Variants in KCNMB2 observed in about 807,000 individuals in gnomAD.
The protein encoded by KCNMB2 is calcium-activated potassium channel subunit beta-2.
Under a neutral mutation model 24.5 loss-of-function variants are expected in KCNMB2, and 9 were observed. The observed-to-expected ratio is 0.37, with a 90% CI of 0.22 to 0.64. The LOEUF (loss-of-function observed/expected upper bound fraction) is 0.64. KCNMB2 is among the 30% of genes least tolerant of loss of function. The pLI is 0.63. For synonymous variants in KCNMB2, 109 were observed against 104.4 expected, an observed-to-expected ratio of 1.04 and a Z score of -0.27; for missense variants, 226 against 284.3, an observed-to-expected ratio of 0.79 and a Z score of 1.47.
chr3:178,811,940 T>C (rs141576023), intron 2 of KCNMB2, among the ~76,000 whole-genome samples: 1 of 152,348 alleles, frequency 6.6e-6, no homozygotes, highest in East Asian at 1.9e-4. Flanking sequence ...TTAGTCGTTT[T>C]TTCTGAGTTG....
At chr3:178,621,085 G>A (rs1229540240) in intron 1 of KCNMB2, among the ~76,000 whole-genome samples, 1 of 152,148 alleles carries the variant, frequency 6.6e-6, no homozygotes, top group East Asian at 1.9e-4. Context: ...TAATTTGCCG[G>A]GAATATGCAC....
At chr3:178,702,435 A>AAT (rs138867739) in intron 1 of KCNMB2, among the ~76,000 whole-genome samples, 4,745 of 150,738 alleles carry the variant, frequency 0.031, 195 homozygotes, top group East Asian at 0.17. Context: ...AAGTATAATA[A>AAT]ATATATATAT....
At chr3:178,787,357 G>T (rs571195854) in intron 1 of KCNMB2, among the ~76,000 whole-genome samples, 35 of 151,978 alleles carry the variant, frequency 2.3e-4, no homozygotes. Flanking sequence ...ATATATTCAC[G>T]TTACATATAG....
intron 1 of KCNMB2, among the ~76,000 whole-genome samples, chr3:178,681,677 C>T (rs774045424): frequency 6.6e-6 from 1 of 152,154 alleles, no homozygotes; most frequent in Non-Finnish European, 1.5e-5. Context: ...AATACGTAGC[C>T]GGATACTGTC....
intron 1 of KCNMB2, among the ~76,000 whole-genome samples, chr3:178,703,647 G>A (rs1404706091): frequency 1.3e-5 from 2 of 152,254 alleles, no homozygotes; most frequent in South Asian, 2.1e-4. Context: ...CAAAATTATA[G>A]GAAAATATAT....
At chr3:178,828,422 C>A (rs1714921160) in intron 4 of KCNMB2, 49 bp downstream of exon 4, 1 of 1,383,630 alleles carries the variant, frequency 7.2e-7, no homozygotes, top group Non-Finnish European at 1.0e-6. Flanking sequence ...AGCTTCACAC[C>A]AGGCTCTCTG....
chr3:178,825,504 A>G, intron 2 of KCNMB2, 84 bp from the exon 3 acceptor site: 1 of 1,164,118 alleles, frequency 8.6e-7, no homozygotes, highest in Non-Finnish European at 1.2e-6. Flanking sequence ...GGCCCTAGGA[A>G]GGCATGGGCA....
intron 1 of KCNMB2, among the ~76,000 whole-genome samples, chr3:178,656,406 T>C (rs993337861): frequency 1.3e-5 from 2 of 152,206 alleles, no homozygotes; most frequent in African/African-American, 4.8e-5. Context: ...AATGATATTA[T>C]AGCATATGTC....
chr3:178,809,433 T>G lies in KCNMB2; in HGVS notation c.56+1968T>G, dbSNP rs372073924. Among the ~76,000 whole-genome samples the G allele has an allele frequency of 3.3e-4, 51 of 152,344 alleles. 1 individual carries two copies. The South Asian group carries it at 0.01, about 31-fold the overall frequency. On this transcript the variant is annotated intron_variant, in intron 2 of 4. Transcript: ENST00000452583. ...TTTAATTGTGTTCTCTTAAGATAGA[T>G]ATTATTATGCTGGCTTCACAGATGA... is the stretch of plus-strand genomic sequence containing the variant.
intron 1 of KCNMB2, among the ~76,000 whole-genome samples, chr3:178,652,546 A>C (rs1432054735): frequency 6.6e-6 from 1 of 152,026 alleles, no homozygotes; most frequent in East Asian, 1.9e-4. Flanking sequence ...AATATGTTTT[A>C]ATGTTTAAAT....
chr3:178,596,428 G>T (rs1343229893), intron 1 of KCNMB2, among the ~76,000 whole-genome samples: 1 of 152,018 alleles, frequency 6.6e-6, no homozygotes, highest in Non-Finnish European at 1.5e-5. Context: ...TCTTTCCTAT[G>T]ATCACAAAGC....
chr3:178,682,384 T>C lies in KCNMB2; in HGVS notation c.-67-124959T>C, dbSNP rs548284015. Among the ~76,000 whole-genome samples the C allele has an allele frequency of 2.2e-4, 33 of 152,148 alleles. No homozygotes were observed. In the South Asian group the frequency reaches 3.7e-3, roughly 17 times the overall value. On this transcript the variant is annotated intron_variant, in intron 1 of 4. Transcript: ENST00000452583. Reference sequence around the variant, plus strand: ...CTTCTCCTTGCAAATTTTTCTAAGCTGCCACAATCACAAGAACATAATCCT... The same window carrying C: ...CTTCTCCTTGCAAATTTTTCTAAGCCGCCACAATCACAAGAACATAATCCT...
At chr3:178,795,947 G>T (rs1358594357) in intron 1 of KCNMB2, among the ~76,000 whole-genome samples, 3 of 152,124 alleles carry the variant, frequency 2.0e-5, no homozygotes, top group African/African-American at 7.2e-5. Flanking sequence ...TGAGTTATGT[G>T]TATCACTGTC....
intron 2 of KCNMB2, among the ~76,000 whole-genome samples, chr3:178,809,721 T>C (rs1714111767): frequency 6.6e-6 from 1 of 152,248 alleles, no homozygotes; most frequent in Admixed American, 6.5e-5. Flanking sequence ...TGGTAATATT[T>C]GTGGAGTTTG....
chr3:178,590,477 A>G (rs1338325933), intron 1 of KCNMB2, among the ~76,000 whole-genome samples: 1 of 152,218 alleles, frequency 6.6e-6, no homozygotes, highest in Non-Finnish European at 1.5e-5. Flanking sequence ...AACATATAAC[A>G]TAATTGCATT....
intron 1 of KCNMB2, among the ~76,000 whole-genome samples, chr3:178,608,406 G>A (rs35458127): frequency 0.17 from 26,293 of 151,852 alleles, 2,796 homozygotes; most frequent in Admixed American, 0.26. Context: ...ATTTTTGTGG[G>A]TACATAGTAG....
At chr3:178,728,649 C>G (rs1723044173) in intron 1 of KCNMB2, among the ~76,000 whole-genome samples, 1 of 152,200 alleles carries the variant, frequency 6.6e-6, no homozygotes, top group Non-Finnish European at 1.5e-5. Flanking sequence ...GTCCCACTCT[C>G]TCTCATCCAC....
At chr3:178,561,072 G>T (rs920967797) in intron 1 of KCNMB2, among the ~76,000 whole-genome samples, 43 of 152,262 alleles carry the variant, frequency 2.8e-4, no homozygotes, top group African/African-American at 9.9e-4. Flanking sequence ...ACTCAGAGTG[G>T]TGCTTGAAAA....
chr3:178,812,758 C>A (rs1352340908), intron 2 of KCNMB2, among the ~76,000 whole-genome samples: 2 of 152,042 alleles, frequency 1.3e-5, no homozygotes, highest in African/African-American at 4.8e-5. Context: ...TCCATATATA[C>A]ATGGATATGT....
Sources: gnomAD v4.1 joint callset for allele counts (sites outside exome capture counted in the v4.1 genomes callset) on GRCh38, gnomAD v4.1.1 for gene constraint, MANE v1.5 for transcripts, NCBI Gene and HGNC (gene_info 2026-07-23, HGNC 2026-07-21) for gene names.